AOPEP: variants seen among roughly 807,000 people sequenced by gnomAD.
The protein encoded by AOPEP is aminopeptidase O.
A neutral mutation model predicts 98.1 loss-of-function variants in AOPEP; 77 were observed. The ratio of observed to expected loss-of-function variants is 0.78; its 90% CI spans 0.65 to 0.95. The LOEUF (loss-of-function observed/expected upper bound fraction) is 0.95, where lower values mean the gene tolerates loss of function less well. AOPEP is among the 40% of genes least tolerant of loss of function. The pLI, the probability that AOPEP is intolerant of heterozygous loss-of-function variation, is 0.00. For synonymous variants in AOPEP, 346 were observed against 365.3 expected (o/e 0.95, Z 0.60); for missense variants, 1,024 against 1,024.7 (o/e 1.00, Z 0.01).
At chr9:95,115,635 C>T in the AOPEP span, among the ~76,000 whole-genome samples, 1 of 152,338 alleles carries the variant, frequency 6.6e-6, no homozygotes, top group African/African-American at 2.4e-5. Flanking sequence ...TGTGCAGCAT[C>T]TGCAAAAGTT....
the AOPEP span, among the ~76,000 whole-genome samples, chr9:95,121,111 T>C: frequency 1.3e-5 from 2 of 152,240 alleles, no homozygotes; most frequent in African/African-American, 4.8e-5. Flanking sequence ...TTTTTAAAAA[T>C]ACTTTGCCTG....
intron 5 of AOPEP, among the ~76,000 whole-genome samples, chr9:94,847,152 A>ACACTCT (rs1448564968): frequency 2.1e-5 from 3 of 140,476 alleles, no homozygotes; most frequent in African/African-American, 7.9e-5. Flanking sequence ...ACACACACAC[A>ACACTCT]CTCTCTCTGT....
Position 94,877,205 on chromosome 9 carries a change from A to T in AOPEP, c.1365-46781A>T, listed in dbSNP as rs1195551916. Among the ~76,000 whole-genome samples the T allele has an allele frequency of 2.0e-5, 3 of 152,192 alleles. 1 individual carries two copies. The highest frequency in any genetic ancestry group is 2.0e-4 in the Admixed American group (3 of 15,288). ...GCAACATCCAAACCAGACAGGAAGC[A>T]GATTTTCCTCAGACCCAATAGAAGC... On this transcript the variant is annotated intron_variant, in intron 5 of 16. Transcript: ENST00000375315.
At chr9:95,083,792 T>G (rs1413134619) in intron 16 of AOPEP, among the ~76,000 whole-genome samples, 1 of 152,174 alleles carries the variant, frequency 6.6e-6, no homozygotes, top group Non-Finnish European at 1.5e-5. Context: ...CATGACCCTG[T>G]GTCTTGAGGG....
chr9:95,108,058 C>G, the AOPEP span, among the ~76,000 whole-genome samples: 1 of 152,232 alleles, frequency 6.6e-6, no homozygotes, highest in Admixed American at 6.5e-5. Context: ...TCGTGAACAG[C>G]TATGTTCCAT....
intron 3 of AOPEP, among the ~76,000 whole-genome samples, chr9:94,791,140 C>T (rs1845618960): frequency 6.6e-6 from 1 of 151,992 alleles, no homozygotes; most frequent in Non-Finnish European, 1.5e-5. Context: ...ACATATATAC[C>T]ATAGAATACT....
chr9:94,741,695 T>A (rs1833164808), intron 1 of AOPEP, among the ~76,000 whole-genome samples: 1 of 152,100 alleles, frequency 6.6e-6, no homozygotes, highest in Non-Finnish European at 1.5e-5. Context: ...CAGAATAGAT[T>A]AAGTTAGTAG....
intron 9 of AOPEP, among the ~76,000 whole-genome samples, chr9:94,964,429 G>A (rs781324306): frequency 3.3e-5 from 5 of 152,074 alleles, no homozygotes; most frequent in Non-Finnish European, 7.4e-5. Context: ...AATTGTAACT[G>A]GAAAATGCAA....
At chr9:95,144,070 G>A in the AOPEP span, among the ~76,000 whole-genome samples, 4 of 152,292 alleles carry the variant, frequency 2.6e-5, no homozygotes, top group South Asian at 2.1e-4. Flanking sequence ...GGCTAAACAC[G>A]GGTTAGAGTG....
intron 5 of AOPEP, among the ~76,000 whole-genome samples, chr9:94,866,739 A>T (rs1331715253): frequency 6.6e-6 from 1 of 152,144 alleles, no homozygotes; most frequent in Non-Finnish European, 1.5e-5. Flanking sequence ...TTTCAAACCA[A>T]ATCTTTGGTT....
intron 5 of AOPEP, among the ~76,000 whole-genome samples, chr9:94,859,006 C>A (rs948701985): frequency 8.2e-6 from 1 of 121,406 alleles, no homozygotes; most frequent in East Asian, 2.5e-4. Context: ...CCAGCCTGGG[C>A]GACAGAGCGA....
intron 7 of AOPEP, among the ~76,000 whole-genome samples, chr9:94,946,117 C>T (rs946343759): frequency 3.9e-5 from 6 of 152,160 alleles, no homozygotes; most frequent in African/African-American, 1.2e-4. Flanking sequence ...AATTCTATCT[C>T]GCAATATATA....
intron 5 of AOPEP, among the ~76,000 whole-genome samples, chr9:94,892,623 T>C (rs535541258): frequency 1.3e-5 from 2 of 152,354 alleles, no homozygotes; most frequent in Admixed American, 6.5e-5. Flanking sequence ...AAAGAAACCA[T>C]GGAGCAGGTG....
At chr9:94,914,040 A>G (rs2052451498) in intron 5 of AOPEP, among the ~76,000 whole-genome samples, 1 of 152,244 alleles carries the variant, frequency 6.6e-6, no homozygotes, top group South Asian at 2.1e-4. Flanking sequence ...GGAATTCTTC[A>G]TAAGAAAAAC....
chr9:94,967,321 A>C lies in AOPEP; in HGVS notation c.1873-437A>C, dbSNP rs567945484. On this transcript the variant is annotated intron_variant, in intron 9 of 16. Transcript: ENST00000375315. ...CCTTGATGGCATATTTATCATCTTG[A>C]TATTTATCTTTACCATTTGGTAGAG... Among the ~76,000 whole-genome samples the C allele has an allele frequency of 3.3e-5, 5 of 152,256 alleles. No individual in the cohort carries two copies. In the East Asian group the frequency reaches 9.7e-4, roughly 29 times the overall value.
At chr9:94,986,428 CTTATTCACAGTACG>C (rs996684045) in intron 11 of AOPEP, among the ~76,000 whole-genome samples, 14 of 152,114 alleles carry the variant, frequency 9.2e-5, no homozygotes, top group African/African-American at 1.2e-4. Context: ...TCCTATTTAC[CTTATTCACAGTACG>C]TCTCTCACTA....
the AOPEP span, among the ~76,000 whole-genome samples, chr9:95,139,766 G>T: frequency 6.7e-6 from 1 of 149,390 alleles, no homozygotes; most frequent in Non-Finnish European, 1.5e-5. Flanking sequence ...GGAGGAGGAG[G>T]TAATGAACAT....
intron 7 of AOPEP, chr9:94,932,663 T>A: frequency 3.7e-6 from 1 of 267,522 alleles, no homozygotes; most frequent in Non-Finnish European, 5.8e-6. Context: ...TTTGTATTTT[T>A]AGTAGAGACA....
At chr9:95,043,671 GTTTTGTTTTT>G (rs60112554) in intron 13 of AOPEP, among the ~76,000 whole-genome samples, 16,807 of 151,944 alleles carry the variant, frequency 0.11, 1,045 homozygotes, top group East Asian at 0.18. Context: ...GTTTTGTTTT[GTTTTGTTTTT>G]GAGACAGGAT....
Sources: gnomAD v4.1 joint callset for allele counts (sites outside exome capture counted in the v4.1 genomes callset) on GRCh38, gnomAD v4.1.1 for gene constraint, MANE v1.5 for transcripts, NCBI Gene and HGNC (gene_info 2026-07-23, HGNC 2026-07-21) for gene names.